The following IGF1R variants were observed in gnomAD, a reference collection of about 807,000 sequenced individuals.
IGF1R encodes insulin like growth factor 1 receptor.
In IGF1R, 44 loss-of-function variants were observed where a neutral mutation model predicts 144.6. That is an observed-to-expected ratio of 0.30 (90% CI 0.24 to 0.39). The LOEUF is 0.39. IGF1R is among the 10% of genes least tolerant of loss of function. IGF1R has a pLI of 1.00. For synonymous variants in IGF1R, 795 were observed against 722.8 expected (o/e 1.10, Z -1.60); for missense variants, 1,355 against 1,833.7 (o/e 0.74, Z 4.77).
intron 2 of IGF1R, among the ~76,000 whole-genome samples, chr15:98,711,130 T>G (rs2053982129): frequency 6.6e-6 from 1 of 152,214 alleles, no homozygotes; most frequent in African/African-American, 2.4e-5. Context: ...TAGCCCCGCA[T>G]GTACCTCTCC....
intron 5 of IGF1R, among the ~76,000 whole-genome samples, chr15:98,900,021 G>A (rs1208082627): frequency 6.6e-6 from 1 of 152,142 alleles, no homozygotes; most frequent in African/African-American, 2.4e-5. Context: ...ACTCTACTAC[G>A]CACAACTGCT....
chr15:98,671,037 A>G (rs973994015), intron 1 of IGF1R, among the ~76,000 whole-genome samples: 1 of 152,218 alleles, frequency 6.6e-6, no homozygotes, highest in African/African-American at 2.4e-5. Flanking sequence ...CGATCCACAT[A>G]GTAGACTCCT....
chr15:98,912,181 T>G (rs181631462), intron 7 of IGF1R, among the ~76,000 whole-genome samples: 16 of 152,316 alleles, frequency 1.1e-4, no homozygotes, highest in Admixed American at 8.5e-4. Context: ...GTTAATCCCA[T>G]AGTTCTCTCT....
At chr15:98,655,317 T>A (rs958337789) in intron 1 of IGF1R, among the ~76,000 whole-genome samples, 3 of 152,258 alleles carry the variant, frequency 2.0e-5, no homozygotes, top group Admixed American at 6.5e-5. Flanking sequence ...TTTGAGACTT[T>A]TGGACTTTTG....
intron 2 of IGF1R, among the ~76,000 whole-genome samples, chr15:98,828,913 C>T (rs2056950852): frequency 6.6e-6 from 1 of 151,600 alleles, no homozygotes. Flanking sequence ...GCCTTAGAAT[C>T]CTTTCTGTGA....
intron 2 of IGF1R, among the ~76,000 whole-genome samples, chr15:98,886,247 G>C (rs985470241): frequency 2.0e-5 from 3 of 152,182 alleles, no homozygotes; most frequent in African/African-American, 7.2e-5. Context: ...ACTCTGGAGA[G>C]GGAGAGAGTT....
At chr15:98,726,600 T>C (rs1486153918) in intron 2 of IGF1R, among the ~76,000 whole-genome samples, 1 of 152,188 alleles carries the variant, frequency 6.6e-6, no homozygotes, top group Non-Finnish European at 1.5e-5. Context: ...CATAGTATAG[T>C]TAAATTGCAG....
chr15:98,814,982 T>C (rs1437184850), intron 2 of IGF1R, among the ~76,000 whole-genome samples: 11 of 152,212 alleles, frequency 7.2e-5, no homozygotes. Flanking sequence ...GTAGCAGTTA[T>C]AAAGTTGTTA....
chr15:98,680,270 CTTT>C (rs61048587), intron 1 of IGF1R, among the ~76,000 whole-genome samples: 2 of 145,198 alleles, frequency 1.4e-5, no homozygotes. Flanking sequence ...CGTATGTATA[CTTT>C]TTTTTTTTTT....
intron 2 of IGF1R, among the ~76,000 whole-genome samples, chr15:98,869,434 C>CTT (rs60569365): frequency 0.16 from 22,227 of 134,760 alleles, 2,651 homozygotes; most frequent in East Asian, 0.38. Flanking sequence ...CCTTGAGATT[C>CTT]TTTTTTTTTT....
chr15:98,741,658 C>T (rs550940866), intron 2 of IGF1R, among the ~76,000 whole-genome samples: 2 of 152,328 alleles, frequency 1.3e-5, no homozygotes, highest in South Asian at 2.1e-4. Context: ...TCCGTCCTCC[C>T]GCATTTCTTC....
chr15:98,814,555 C>T (rs977077511), intron 2 of IGF1R, among the ~76,000 whole-genome samples: 6 of 152,120 alleles, frequency 3.9e-5, no homozygotes, highest in Non-Finnish European at 7.4e-5. Context: ...ACCGTGTTGC[C>T]GGGGTTAGTC....
intron 2 of IGF1R, among the ~76,000 whole-genome samples, chr15:98,818,933 C>G (rs918223209): frequency 6.6e-6 from 1 of 152,058 alleles, no homozygotes; most frequent in Non-Finnish European, 1.5e-5. Context: ...GGAATGGAGA[C>G]TGGGAGAGTG....
At chr15:98,819,683 C>T (rs1030029876) in intron 2 of IGF1R, among the ~76,000 whole-genome samples, 1 of 152,096 alleles carries the variant, frequency 6.6e-6, no homozygotes, top group Admixed American at 6.5e-5. Flanking sequence ...GGGTTGTATC[C>T]ATTGATACTT....
intron 2 of IGF1R, among the ~76,000 whole-genome samples, chr15:98,737,824 C>CCTCT (rs150373687): frequency 6.6e-6 from 1 of 150,752 alleles, no homozygotes; most frequent in South Asian, 2.1e-4. Flanking sequence ...GTCTTCTGTG[C>CCTCT]CTCTCTCTCT....
At position 98,957,257 on chromosome 15, in the gene IGF1R, C is replaced by CCCTCGGCCT; in HGVS notation, c.3925_3933dup (p.Ala1309_Ser1311dup). The CCCTCGGCCT allele has an allele frequency of 1.2e-6, 2 of 1,613,996 alleles. No homozygotes were observed. Among genetic ancestry groups the CCCTCGGCCT allele is most frequent in the Non-Finnish European group, 1.7e-6 (2 of 1,180,030 alleles). On this transcript the variant is annotated inframe_insertion, in exon 21 of 21. Transcript: ENST00000650285. ...GAACATGGAGAGCGTCCCCCTGGAC[C>CCCTCGGCCT]CCTCGGCCTCCTCGTCCTCCCTGCC... is the stretch of plus-strand genomic sequence containing the variant.
intron 5 of IGF1R, among the ~76,000 whole-genome samples, chr15:98,906,074 A>C (rs1191979620): frequency 6.6e-6 from 1 of 152,244 alleles, no homozygotes; most frequent in African/African-American, 2.4e-5. Flanking sequence ...CAATGATTGT[A>C]AAAAATGTTT....
intron 2 of IGF1R, among the ~76,000 whole-genome samples, chr15:98,714,174 TAA>T (rs11284878): frequency 0.094 from 13,768 of 146,036 alleles, 1,296 homozygotes; most frequent in African/African-American, 0.24. Flanking sequence ...CAGGTTGTAG[TAA>T]AAAAAAAAAA....
At chr15:98,956,304 C>T (rs920019288) in intron 20 of IGF1R, among the ~76,000 whole-genome samples, 1 of 152,220 alleles carries the variant, frequency 6.6e-6, no homozygotes, top group Non-Finnish European at 1.5e-5. Context: ...TCTGCCTGTC[C>T]CTTGCGTGTG....
Sources: allele counts gnomAD v4.1 joint callset (sites outside exome capture counted in the v4.1 genomes callset), GRCh38; gene constraint gnomAD v4.1.1; transcripts MANE v1.5; gene names NCBI Gene and HGNC (gene_info 2026-07-23, HGNC 2026-07-21).